The following TLE6 variants were observed in gnomAD, a reference collection of about 807,000 sequenced individuals.
The protein encoded by TLE6 is TLE family member 6, subcortical maternal complex member.
In TLE6, 72 loss-of-function variants were observed where a neutral mutation model predicts 77.1. The observed-to-expected ratio is 0.93, with a 90% CI of 0.77 to 1.14. The LOEUF is 1.14. Ranked by LOEUF, TLE6 falls within the 50% of genes most tolerant of loss-of-function variation. TLE6 has a pLI of 0.00. For missense variants in TLE6, 843 were observed against 747.6 expected (o/e 1.13, Z -1.49); for synonymous variants, 366 against 287.3 (o/e 1.27, Z -2.77).
In TLE6 at chr19:2,993,557, C is replaced by G; in HGVS notation, c.1512C>G (p.Ile504Met). 1 of 1,579,590 alleles carries G rather than the reference C, an allele frequency of 6.3e-7. No homozygotes were observed. The highest frequency in any genetic ancestry group is 8.7e-7 in the Non-Finnish European group (1 of 1,155,920). Residue 504 changes from isoleucine (I) to methionine (M), a missense_variant, in exon 15 of 17, where the codon ATC (isoleucine) becomes ATG (methionine). Physicochemically the swap from Ile to Met is conservative, Grantham distance 10 (BLOSUM62 1). Coordinates refer to ENST00000246112, the MANE Select transcript of TLE6 (RefSeq NM_001143986.2). The part of the protein sequence containing the change: ...RHMVGQKDSV[I>M]LSVKFSPFGQ... The stretch of plus-strand genomic sequence containing the variant: ...TGGTGGGGCAAAAAGACAGCGTCAT[C>G]CTGAGCGTCAAGTTCTCCCCCTTTG...
rs1259492500 is a variant in TLE6, at chr19:2,989,114, C to T, written c.794C>T (p.Pro265Leu). The change falls in exon 12 of 17, where the codon CCC becomes CTC. Residue 265 changes from proline to leucine, a missense_variant. Coordinates refer to ENST00000246112, the MANE Select transcript of TLE6 (RefSeq NM_001143986.2). ...EDAWKRPDAL[P>L]GQSKRLAVPC... is the part of the protein sequence containing the mutation. ...GCATGGAAGAGGCCAGATGCCTTGC[C>T]CGGGCAGTCAAAGAGACTCGCCGTC... is the stretch of plus-strand genomic sequence containing the variant. The T allele has an allele frequency of 6.2e-7, 1 of 1,614,164 alleles. No homozygotes were observed. The highest frequency in any genetic ancestry group is 1.7e-5 in the Admixed American group (1 of 60,028).
intron 14 of TLE6, 45 bp from the exon 15 acceptor site, chr19:2,993,387 C>A: frequency 6.4e-7 from 1 of 1,561,050 alleles, no homozygotes; most frequent in Non-Finnish European, 8.7e-7. Context: ...CTGGGCCAGG[C>A]TGGGACCTAA....
intron 8 of TLE6, 150 bp downstream of exon 8, chr19:2,987,522 G>A (rs2088943009): frequency 1.6e-6 from 2 of 1,235,068 alleles, no homozygotes; most frequent in East Asian, 2.4e-5. Flanking sequence ...GGTGATCCAG[G>A]AGGCTATACT....
intron 13 of TLE6, among the ~76,000 whole-genome samples, chr19:2,990,818 T>G (rs779102906): frequency 2.0e-5 from 3 of 149,356 alleles, no homozygotes; most frequent in African/African-American, 4.9e-5. Flanking sequence ...CTGGCCAACA[T>G]GGCGAAACCC....
At chr19:2,978,576 C>A (rs2088727844) in intron 2 of TLE6, among the ~76,000 whole-genome samples, 1 of 152,016 alleles carries the variant, frequency 6.6e-6, no homozygotes, top group African/African-American at 2.4e-5. Flanking sequence ...GTAGTGAGAC[C>A]CTGTCTCTGT....
In TLE6 at chr19:2,993,147, CGTT is replaced by C. The variant is rs57211351; in HGVS notation, c.1387-282_1387-280del. ...AATCGCTTAAACCCCAGGAGGCAGA[CGTT>C]GTCGTAAGCCGAGATCGTACCATTG... On this transcript the variant is annotated intron_variant, in intron 14 of 16. Coordinates refer to ENST00000246112, the MANE Select transcript of TLE6 (RefSeq NM_001143986.2). 6.7e-3 allele frequency among the ~76,000 whole-genome samples: 1,015 copies of C among 151,670 alleles called. 11 individuals are homozygous for C. The highest frequency in any genetic ancestry group is 0.023 in the African/African-American group (968 of 41,346).
intron 3 of TLE6, among the ~76,000 whole-genome samples, chr19:2,980,738 T>C (rs1268991943): frequency 9.4e-6 from 1 of 106,320 alleles, no homozygotes; most frequent in South Asian, 2.9e-4. Flanking sequence ...ACTCGGTCTT[T>C]AAAAAAAAAA....
At chr19:2,991,577 C>G (rs201541333) in intron 13 of TLE6, among the ~76,000 whole-genome samples, 1 of 150,890 alleles carries the variant, frequency 6.6e-6, no homozygotes, top group Non-Finnish European at 1.5e-5. Context: ...CCTCAGAGCT[C>G]GGGTGGACTC....
At chr19:2,986,592 T>C (rs1233648344) in intron 5 of TLE6, among the ~76,000 whole-genome samples, 2 of 151,862 alleles carry the variant, frequency 1.3e-5, no homozygotes, top group African/African-American at 4.8e-5. Context: ...TGTGCACCTG[T>C]AATCCCAGCT....
Position 2,981,420 on chromosome 19 carries a change from C to A in TLE6, c.135-118C>A, listed in dbSNP as rs966874407. ...CTTGACACTGCCTTAAATTTGGCTT[C>A]TGGAGCCAGTGCCTTCCAGCTTCAT... On this transcript the variant is annotated intron_variant, in intron 3 of 16. Transcript: ENST00000246112. 29 of 1,077,852 alleles carry A rather than the reference C, an allele frequency of 2.7e-5. No individual in the cohort carries two copies. In the African/African-American group the frequency reaches 3.8e-4, roughly 14 times the overall value. 66.8% of individuals were successfully genotyped at this position (1,077,852 alleles called of 1,614,324 possible).
chr19:2,980,307 G>A, intron 3 of TLE6, 125 bp downstream of exon 3: 1 of 688,386 alleles, frequency 1.5e-6, no homozygotes, highest in Non-Finnish European at 2.4e-6. Flanking sequence ...GGAACAGGAA[G>A]CCATGCAGAT....
intron 14 of TLE6, among the ~76,000 whole-genome samples, chr19:2,992,585 A>T (rs1477352099): frequency 6.6e-6 from 1 of 151,962 alleles, no homozygotes; most frequent in Non-Finnish European, 1.5e-5. Context: ...AGCCTGGGCA[A>T]CATAGTGAGA....
rs1158204473 is a variant in TLE6 at position 2,985,399 on chromosome 19, C to CTT, written c.223-1410_223-1409dup. Among the ~76,000 whole-genome samples, 213 of 89,984 alleles carry CTT rather than the reference C, an allele frequency of 2.4e-3. 8 individuals are homozygous for CTT. Among genetic ancestry groups the CTT allele is most frequent in the Non-Finnish European group, 2.8e-3 (132 of 47,192 alleles). 59.0% of individuals were successfully genotyped at this position (89,984 alleles called of 152,430 possible). A position where few individuals can be genotyped will look rare whatever the true frequency, so the allele number is the denominator to read the frequency against. On this transcript the variant is annotated intron_variant, in intron 5 of 16. Coordinates refer to ENST00000246112, the MANE Select transcript of TLE6 (RefSeq NM_001143986.2). ...GGTATGCTGTTTTGCTGCTTGAAGCCTTTTTTTTTTTTTTTTTTTTTGAGA... is the reference window on the plus strand; with the variant it reads ...GGTATGCTGTTTTGCTGCTTGAAGCCTTTTTTTTTTTTTTTTTTTTTTTGAGA...
intron 11 of TLE6, 122 bp from the exon 12 acceptor site, chr19:2,988,939 C>G (rs550276784): frequency 1.4e-6 from 2 of 1,423,680 alleles, no homozygotes; most frequent in African/African-American, 2.9e-5. Context: ...GAGGGTAAAA[C>G]AAGGCCTGAG....
chr19:2,989,698 A>T lies in TLE6; in HGVS notation c.1157A>T (p.Asp386Val). 6.2e-7 allele frequency: 1 copy of T among 1,614,102 alleles called. No homozygotes were observed. Among genetic ancestry groups the T allele is most frequent in the Non-Finnish European group, 8.5e-7 (1 of 1,179,962 alleles). The change falls in exon 13 of 17, where the codon GAT becomes GTT. Residue 386 changes from aspartate (D) to valine (V), a missense_variant. Transcript: ENST00000246112. ...GCAGGTCTCAACTGCCAGGCCCTGG[A>T]TGCCAACCTGGATGCCAACCTGGCC... is the stretch of plus-strand genomic sequence containing the variant. ...PCAGLNCQAL[D>V]ANLDANLAFA...
chr19:2,985,747 G>A (rs2088895588), intron 5 of TLE6, among the ~76,000 whole-genome samples: 1 of 150,570 alleles, frequency 6.6e-6, no homozygotes, highest in South Asian at 2.1e-4. Flanking sequence ...GCAAAGTGTG[G>A]TGGTGGTCAG....
intron 13 of TLE6, 25 bp from the exon 14 acceptor site, chr19:2,991,818 G>A: frequency 6.2e-7 from 1 of 1,611,854 alleles, no homozygotes; most frequent in Non-Finnish European, 8.5e-7. Context: ...TGACCTGATT[G>A]CCTCCCGATG....
Position 2,986,970 on chromosome 19 carries a change from C to G in TLE6, c.286-13C>G. ...TCCTCAAAGCTCTCACTGCCTTGTTCCTGCCGGGCCAGGTCTCACCTGCTG... is the reference window on the plus strand; with the variant it reads ...TCCTCAAAGCTCTCACTGCCTTGTTGCTGCCGGGCCAGGTCTCACCTGCTG... On this transcript the variant is annotated splice_polypyrimidine_tract_variant and intron_variant, in intron 6 of 16. Coordinates refer to ENST00000246112, the MANE Select transcript of TLE6 (RefSeq NM_001143986.2). The G allele has an allele frequency of 6.3e-7, 1 of 1,593,800 alleles. No individual in the cohort carries two copies. The highest frequency in any genetic ancestry group is 1.1e-5 in the South Asian group (1 of 88,736).
At chr19:2,989,363 G>A (rs771998526) in intron 12 of TLE6, 50 bp downstream of exon 12, 2 of 1,602,626 alleles carry the variant, frequency 1.2e-6, no homozygotes, top group Non-Finnish European at 1.7e-6. Flanking sequence ...GGAACAGGGG[G>A]TTTGAGGTTT....
Sources: allele counts gnomAD v4.1 joint callset (sites outside exome capture counted in the v4.1 genomes callset), GRCh38; gene constraint gnomAD v4.1.1; transcripts MANE v1.5; gene names NCBI Gene and HGNC (gene_info 2026-07-23, HGNC 2026-07-21).